DPYD: variants seen among roughly 807,000 people sequenced by gnomAD.
The protein encoded by DPYD is dihydropyrimidine dehydrogenase [NADP(+)].
DPYD carries 109 observed loss-of-function variants against 116.2 expected under a neutral mutation model. The observed-to-expected ratio is 0.94, with a 90% CI of 0.80 to 1.10. The LOEUF (loss-of-function observed/expected upper bound fraction) is 1.10, where lower values mean the gene tolerates loss of function less well. Ranked by LOEUF, DPYD falls within the 50% of genes least tolerant of loss-of-function variation. The pLI is 0.00. For missense variants in DPYD, 1,302 were observed against 1,254.5 expected (o/e 1.04, Z -0.57); for synonymous variants, 440 against 432.0 (o/e 1.02, Z -0.23).
At chr1:97,637,004 G>T (rs1333297949) in intron 8 of DPYD, among the ~76,000 whole-genome samples, 1 of 152,100 alleles carries the variant, frequency 6.6e-6, no homozygotes, top group Non-Finnish European at 1.5e-5. Flanking sequence ...TAAATTGAAG[G>T]TATTTGAGAT....
At chr1:97,466,185 C>A (rs1677313062) in intron 13 of DPYD, among the ~76,000 whole-genome samples, 1 of 152,100 alleles carries the variant, frequency 6.6e-6, no homozygotes, top group Non-Finnish European at 1.5e-5. Flanking sequence ...AAAAAGTTGG[C>A]AAATAGAAAA....
At chr1:97,147,779 G>T (rs1654733868) in intron 20 of DPYD, among the ~76,000 whole-genome samples, 1 of 152,108 alleles carries the variant, frequency 6.6e-6, no homozygotes, top group African/African-American at 2.4e-5. Flanking sequence ...AAACTCTTCT[G>T]TGCATCATGT....
chr1:97,406,769 A>C (rs182193141), intron 14 of DPYD, among the ~76,000 whole-genome samples: 41 of 152,252 alleles, frequency 2.7e-4, no homozygotes, highest in Admixed American at 2.4e-3. Context: ...CTGTTTTCAT[A>C]GCATGTCTGG....
intron 1 of DPYD, among the ~76,000 whole-genome samples, chr1:97,889,424 A>G (rs1216340227): frequency 6.6e-6 from 1 of 152,108 alleles, no homozygotes; most frequent in Non-Finnish European, 1.5e-5. Flanking sequence ...AAGATGGAAA[A>G]TGACATATCA....
At chr1:97,309,931 T>C (rs1409531895) in intron 16 of DPYD, among the ~76,000 whole-genome samples, 1 of 151,742 alleles carries the variant, frequency 6.6e-6, no homozygotes. Flanking sequence ...AGATGACCTC[T>C]TCATTGTAGA....
At chr1:97,398,718 T>G (rs950957119) in intron 14 of DPYD, among the ~76,000 whole-genome samples, 15 of 152,144 alleles carry the variant, frequency 9.9e-5, no homozygotes, top group Non-Finnish European at 2.9e-5. Context: ...ATTTTTTCAT[T>G]TGTCTGATGG....
chr1:97,908,612 C>T (rs1037228104), intron 1 of DPYD, among the ~76,000 whole-genome samples: 2 of 152,058 alleles, frequency 1.3e-5, no homozygotes, highest in African/African-American at 4.8e-5. Flanking sequence ...TGTTCTTCCA[C>T]CCCACTGCAG....
intron 8 of DPYD, among the ~76,000 whole-genome samples, chr1:97,603,122 TG>T (rs1655369034): frequency 6.6e-6 from 1 of 152,022 alleles, no homozygotes; most frequent in Admixed American, 6.6e-5. Flanking sequence ...ATCCCCGCAT[TG>T]TGAAGTAAGG....
intron 3 of DPYD, among the ~76,000 whole-genome samples, chr1:97,813,797 T>A (rs113151887): frequency 2.1e-4 from 32 of 152,258 alleles, no homozygotes; most frequent in African/African-American, 7.2e-4. Context: ...TATCTGTATA[T>A]AATTTCATGA....
At chr1:97,148,120 G>C (rs1292084410) in intron 20 of DPYD, among the ~76,000 whole-genome samples, 1 of 152,078 alleles carries the variant, frequency 6.6e-6, no homozygotes, top group Non-Finnish European at 1.5e-5. Context: ...GAAATGTCTG[G>C]AGCCTTAAGC....
At chr1:97,513,165 T>C (rs1647933840) in intron 13 of DPYD, among the ~76,000 whole-genome samples, 1 of 151,436 alleles carries the variant, frequency 6.6e-6, no homozygotes, top group African/African-American at 2.4e-5. Context: ...CATCTACAAA[T>C]GTCAAGAGTA....
intron 11 of DPYD, among the ~76,000 whole-genome samples, chr1:97,563,263 T>C (rs760915657): frequency 8.5e-5 from 13 of 152,176 alleles, no homozygotes; most frequent in Non-Finnish European, 1.9e-4. Flanking sequence ...GCATGTTAGG[T>C]TTCAGAATAA....
chr1:97,393,690 T>C (rs1358393538), intron 14 of DPYD, among the ~76,000 whole-genome samples: 1 of 152,126 alleles, frequency 6.6e-6, no homozygotes, highest in Non-Finnish European at 1.5e-5. Context: ...ATCCAGTCTA[T>C]CATTGATGGA....
chr1:97,559,019 C>T (rs1004513679), intron 11 of DPYD, among the ~76,000 whole-genome samples: 2 of 152,228 alleles, frequency 1.3e-5, no homozygotes, highest in Admixed American at 1.3e-4. Flanking sequence ...CTCTTTAAGA[C>T]TGCAAACTGC....
intron 19 of DPYD, among the ~76,000 whole-genome samples, chr1:97,209,184 T>C (rs1029426722): frequency 6.6e-6 from 1 of 152,140 alleles, no homozygotes; most frequent in Non-Finnish European, 1.5e-5. Context: ...TAAATCAATA[T>C]ACTACAGGTT....
chr1:97,539,257 A>AT (rs35589952), intron 12 of DPYD, among the ~76,000 whole-genome samples: 20,675 of 151,848 alleles, frequency 0.14, 1,732 homozygotes, highest in African/African-American at 0.23. Flanking sequence ...ATGTACTCAA[A>AT]TTTTTTTTAA....
chr1:97,252,455 T>A lies in DPYD; in HGVS notation c.2300-17461A>T, dbSNP rs185752634. Among the ~76,000 whole-genome samples, 25 of 152,330 alleles carry A rather than the reference T, an allele frequency of 1.6e-4. 1 individual carries two copies. The highest frequency in any genetic ancestry group is 1.6e-3 in the Admixed American group (25 of 15,294). On this transcript the variant is annotated intron_variant, in intron 18 of 22. Transcript: ENST00000370192. ...TCGTAGATGCTCTTTCTTGTTTTTTTCCAATTTATATTGTTGACATAAGTG... is the reference window on the plus strand; with the variant it reads ...TCGTAGATGCTCTTTCTTGTTTTTTACCAATTTATATTGTTGACATAAGTG...
rs915952316 is a variant in DPYD, at chr1:97,546,432, T to C, written c.1524+3128A>G. ...CTGAAGAAGAAGAAACCAATAGAGATTCCTGAAGTGAGAAAGATGATGGTA... is the reference window on the plus strand; with the variant it reads ...CTGAAGAAGAAGAAACCAATAGAGACTCCTGAAGTGAGAAAGATGATGGTA... On this transcript the variant is annotated intron_variant, in intron 12 of 22. Coordinates refer to ENST00000370192, the MANE Select transcript of DPYD (RefSeq NM_000110.4). 3.1e-6 allele frequency: 5 copies of C among 1,589,396 alleles called. No individual in the cohort carries two copies. The African/African-American group carries it at 6.7e-5, about 21-fold the overall frequency.
chr1:97,300,715 G>A (rs1357716478), intron 18 of DPYD, among the ~76,000 whole-genome samples: 1 of 152,004 alleles, frequency 6.6e-6, no homozygotes, highest in African/African-American at 2.4e-5. Flanking sequence ...GGGTTACACT[G>A]GATTTGTGTT....
Sources: gnomAD v4.1 joint callset for allele counts (sites outside exome capture counted in the v4.1 genomes callset) on GRCh38, gnomAD v4.1.1 for gene constraint, MANE v1.5 for transcripts, NCBI Gene and HGNC (gene_info 2026-07-23, HGNC 2026-07-21) for gene names.